DNAI2: variants seen among roughly 807,000 people sequenced by gnomAD.
The protein encoded by DNAI2 is dynein axonemal intermediate chain 2, also known as dynein, axonemal, intermediate polypeptide 2.
DNAI2 carries 63 observed loss-of-function variants against 74.7 expected under a neutral mutation model. The observed-to-expected ratio is 0.84, with a 90% CI of 0.69 to 1.04. The LOEUF (loss-of-function observed/expected upper bound fraction) is 1.04, where lower values mean the gene tolerates loss of function less well. Ranked by LOEUF, DNAI2 falls within the 50% of genes least tolerant of loss-of-function variation. DNAI2 has a pLI of 0.00. For missense variants in DNAI2, 688 were observed against 803.2 expected (o/e 0.86, Z 1.73); for synonymous variants, 289 against 314.9 (o/e 0.92, Z 0.87).
intron 6 of DNAI2, among the ~76,000 whole-genome samples, chr17:74,295,141 A>T (rs4528607): frequency 0.94 from 142,224 of 151,874 alleles, 67,282 homozygotes; most frequent in East Asian, 1. Flanking sequence ...GTGCCTGGAA[A>T]CCTAGCACTT....
intron 4 of DNAI2, among the ~76,000 whole-genome samples, chr17:74,288,866 G>A (rs2051912845): frequency 6.6e-6 from 1 of 152,174 alleles, no homozygotes; most frequent in Admixed American, 6.5e-5. Context: ...GAGCAGCTGG[G>A]GAAATGCGGA....
At chr17:74,313,079 G>C (rs973163952) in intron 12 of DNAI2, among the ~76,000 whole-genome samples, 10 of 152,226 alleles carry the variant, frequency 6.6e-5, no homozygotes, top group Non-Finnish European at 1.3e-4. Context: ...TTAAAACAGT[G>C]ACAATAGAGC....
intron 6 of DNAI2, among the ~76,000 whole-genome samples, chr17:74,296,346 G>GGAGAGAGAGAGAGAGA (rs1555611113): frequency 3.6e-5 from 3 of 83,210 alleles, no homozygotes; most frequent in South Asian, 4.4e-4. Flanking sequence ...GAGAGAGAGA[G>GGAGAGAGAGAGAGAGA]GAGAGAGAGA....
At chr17:74,279,238 G>T (rs2051260709) in intron 1 of DNAI2, among the ~76,000 whole-genome samples, 1 of 152,130 alleles carries the variant, frequency 6.6e-6, no homozygotes, top group African/African-American at 2.4e-5. Flanking sequence ...CATTCTCCAT[G>T]ATGTGACTAT....
At chr17:74,292,022 C>A (rs2052139534) in intron 6 of DNAI2, among the ~76,000 whole-genome samples, 1 of 152,126 alleles carries the variant, frequency 6.6e-6, no homozygotes, top group Non-Finnish European at 1.5e-5. Context: ...TGCCACCACG[C>A]CTGGCTAATT....
Position 74,289,748 on chromosome 17 carries a change from C to A in DNAI2, c.610+12C>A, listed in dbSNP as rs374447879. On this transcript the variant is annotated intron_variant, in intron 5 of 13. Coordinates refer to ENST00000311014, the MANE Select transcript of DNAI2 (RefSeq NM_023036.6). ...CATCTGGGACCTGGGTGAGAAGCAG[C>A]GGGGTCCTGGTGGCCTGGGAGGGCT... is the stretch of plus-strand genomic sequence containing the variant. 1 of 1,613,586 alleles carries A rather than the reference C, an allele frequency of 6.2e-7. No individual in the cohort carries two copies. The highest frequency in any genetic ancestry group is 2.2e-5 in the East Asian group (1 of 44,862).
chr17:74,276,336 A>G (rs2051077333), intron 1 of DNAI2, among the ~76,000 whole-genome samples: 1 of 152,136 alleles, frequency 6.6e-6, no homozygotes, highest in African/African-American at 2.4e-5. Context: ...TGAGACTCAC[A>G]GTGGTGTTCT....
intron 5 of DNAI2, 83 bp downstream of exon 5, chr17:74,289,819 GA>G: frequency 6.3e-7 from 1 of 1,584,066 alleles, no homozygotes; most frequent in Non-Finnish European, 8.6e-7. Flanking sequence ...GGAGGGGCAG[GA>G]GGTCAAGGAC....
In DNAI2 at chr17:74,280,467, A is replaced by G. The variant is rs1264534526; in HGVS notation, c.-11-1340A>G. ...AGTAGCACGCGTCAGAGGCTTTCCC[A>G]AAGGCCTCCATGTCCCGCCTGTTGG... is the stretch of plus-strand genomic sequence containing the variant. On this transcript the variant is annotated intron_variant, in intron 1 of 13. Coordinates refer to ENST00000311014, the MANE Select transcript of DNAI2 (RefSeq NM_023036.6). 1.3e-5 allele frequency among the ~76,000 whole-genome samples: 2 copies of G among 152,160 alleles called. 1 individual carries two copies. The highest frequency in any genetic ancestry group is 2.9e-5 in the Non-Finnish European group (2 of 68,022).
intron 6 of DNAI2, among the ~76,000 whole-genome samples, chr17:74,295,939 G>A (rs1048526854): frequency 6.6e-6 from 1 of 152,170 alleles, no homozygotes; most frequent in African/African-American, 2.4e-5. Flanking sequence ...GCGTGTGTGA[G>A]CATGCCTTTA....
At chr17:74,287,609 G>A (rs1052559124) in intron 4 of DNAI2, among the ~76,000 whole-genome samples, 2 of 152,146 alleles carry the variant, frequency 1.3e-5, no homozygotes, top group Non-Finnish European at 2.9e-5. Context: ...TAGGGGACTG[G>A]TTCTAGCAGT....
chr17:74,286,511 C>T (rs1391059449), intron 3 of DNAI2, among the ~76,000 whole-genome samples: 3 of 151,892 alleles, frequency 2.0e-5, no homozygotes, highest in Non-Finnish European at 2.9e-5. Flanking sequence ...ATCTCCACCT[C>T]CCGGGTTCAA....
At chr17:74,305,962 G>A (rs755938555) in intron 9 of DNAI2, among the ~76,000 whole-genome samples, 1 of 152,164 alleles carries the variant, frequency 6.6e-6, no homozygotes, top group Non-Finnish European at 1.5e-5. Flanking sequence ...GTGAGCCACC[G>A]CGTCTGGCTG....
intron 2 of DNAI2, 123 bp downstream of exon 2, chr17:74,282,123 C>A (rs2051430084): frequency 1.7e-6 from 2 of 1,158,940 alleles, no homozygotes; most frequent in East Asian, 2.5e-5. Flanking sequence ...AGACCAAATG[C>A]AGATGCTGGA....
intron 1 of DNAI2, among the ~76,000 whole-genome samples, chr17:74,276,380 G>A (rs1471695505): frequency 1.3e-5 from 2 of 152,098 alleles, no homozygotes; most frequent in Non-Finnish European, 2.9e-5. Context: ...CCCACGGGGG[G>A]AGGATCTCCC....
At chr17:74,294,728 C>CT (rs1038460231) in intron 6 of DNAI2, among the ~76,000 whole-genome samples, 1 of 152,136 alleles carries the variant, frequency 6.6e-6, no homozygotes, top group Admixed American at 6.6e-5. Context: ...GTATGGATAT[C>CT]TTTGAGTTTA....
At chr17:74,287,246 C>T (rs1457877165) in intron 4 of DNAI2, 148 bp downstream of exon 4, 2 of 1,330,116 alleles carry the variant, frequency 1.5e-6, no homozygotes, top group African/African-American at 2.9e-5. Context: ...TGATAAGTCA[C>T]CCAGCAGAGA....
At chr17:74,277,310 G>A (rs938414560) in intron 1 of DNAI2, among the ~76,000 whole-genome samples, 107 of 150,548 alleles carry the variant, frequency 7.1e-4, no homozygotes, top group Non-Finnish European at 2.1e-4. Flanking sequence ...GCTTGCACCC[G>A]GGAGACGGAG....
At chr17:74,295,233 TAAAAAA>T (rs57143936) in intron 6 of DNAI2, among the ~76,000 whole-genome samples, 2 of 112,354 alleles carry the variant, frequency 1.8e-5, no homozygotes, top group Admixed American at 1.0e-4. Context: ...CATCTCTACT[TAAAAAA>T]AAAAAAAAAA....
Sources: allele counts gnomAD v4.1 joint callset (sites outside exome capture counted in the v4.1 genomes callset), GRCh38; gene constraint gnomAD v4.1.1; transcripts MANE v1.5; gene names NCBI Gene and HGNC (gene_info 2026-07-23, HGNC 2026-07-21).